The following SLFN13 variants were observed in gnomAD, a reference collection of about 807,000 sequenced individuals.
SLFN13 encodes schlafen-13.
In SLFN13, 43 loss-of-function variants were observed where a neutral mutation model predicts 50.6. That is an observed-to-expected ratio of 0.85 (90% CI 0.67 to 1.09). The LOEUF (loss-of-function observed/expected upper bound fraction) is 1.09, where lower values mean the gene tolerates loss of function less well. Among genes scored for constraint, SLFN13 ranks in the 50% least tolerant of loss-of-function variants. SLFN13 has a pLI of 0.00. For missense variants in SLFN13, 881 were observed against 1,071.1 expected (o/e 0.82, Z 2.48); for synonymous variants, 339 against 386.5 (o/e 0.88, Z 1.44).
chr17:35,449,076 A>AACAACAACAACAAC (rs58902173), upstream of SLFN13, among the ~76,000 whole-genome samples: 47 of 115,680 alleles, frequency 4.1e-4, no homozygotes, highest in East Asian at 2.0e-3. Context: ...ACAACAACAA[A>AACAACAACAACAAC]ATTACTCAGG....
Position 35,440,579 on chromosome 17 carries a change from C to T in SLFN13, c.*16G>A, listed in dbSNP as rs756132500. ...TTACACAGTATTTTGGTTTGGAGTT[C>T]TTCCTAATAGTCACTTCACAGAAAA... On this transcript the variant is annotated 3_prime_UTR_variant, in exon 6 of 6. Coordinates refer to ENST00000285013, the MANE Select transcript of SLFN13 (RefSeq NM_144682.6). 4 of 1,612,470 alleles carry T rather than the reference C, an allele frequency of 2.5e-6. No individual in the cohort carries two copies. Among genetic ancestry groups the T allele is most frequent in the Middle Eastern group, 1.7e-4 (1 of 6,054 alleles).
In SLFN13 at chr17:35,443,819, T is replaced by C. The variant is rs1400823311; in HGVS notation, c.1168A>G (p.Lys390Glu). 2 of 1,612,762 alleles carry C rather than the reference T, an allele frequency of 1.2e-6. No homozygotes were observed. The highest frequency in any genetic ancestry group is 1.7e-6 in the Non-Finnish European group (2 of 1,178,924). The change falls in exon 4 of 6, where the codon AAA (lysine) becomes GAA (glutamate). Residue 390 changes from lysine to glutamate, a missense_variant. By Grantham distance (56) the Lys-to-Glu change is moderately conservative (BLOSUM62 1). This residue lies in a region of SLFN13 where 497 missense variants were observed against 518.3 expected (regional missense o/e 0.96). Transcript: ENST00000285013. Reference protein sequence around the residue: ...PVYSKKGLEHKADLQQHLFPV... With the variant: ...PVYSKKGLEHEADLQQHLFPV... ...AATAAATGTTGTTGTAGATCAGCTT[T>C]GTGTTCCAGACCTTTCTTAGAATAC...
chr17:35,445,310 T>C lies in SLFN13; in HGVS notation c.371A>G (p.Asn124Ser), dbSNP rs115352354. 3.5e-3 allele frequency: 5,615 copies of C among 1,613,816 alleles called. 149 individuals carry two copies. In the African/African-American group the frequency reaches 0.06, roughly 17 times the overall value. ...GDPFLKDGSF[N>S]SRICSLSSSL... ...AGAACTAAGGCTGCAAATGCGGGAA[T>C]TGAAAGAACCATCTTTAAGGAAAGG... The change falls in exon 3 of 6, where the codon AAT becomes AGT. Residue 124 changes from asparagine (N) to serine (S), a missense_variant. Physicochemically the swap from Asn to Ser is conservative, Grantham distance 46. Around this residue, in one of 5 missense-constraint regions of SLFN13, gnomAD observed 497 missense variants for 518.3 expected, o/e 0.96. Transcript: ENST00000285013.
intron 1 of SLFN13, 140 bp from the exon 2 acceptor site, chr17:35,447,554 G>C (rs1913276714): frequency 6.6e-6 from 1 of 152,184 alleles, no homozygotes; most frequent in Admixed American, 6.5e-5. Context: ...GATGGAAACA[G>C]TTTCGCCTCC....
rs571498810 is a variant in SLFN13, at chr17:35,441,232, G to C, written c.2057C>G (p.Thr686Ser). 20 of 1,614,050 alleles carry C rather than the reference G, an allele frequency of 1.2e-5. 1 individual carries two copies. The South Asian group carries it at 1.9e-4, about 15-fold the overall frequency. ...ACAATCCTTTTCTCTCTGAGTGATG[G>C]TTTTTGCCTTCCTATACCAGTCCCC... is the stretch of plus-strand genomic sequence containing the variant. ...EDGDWYRKAK[T>S]ITQREKDCPG... The change falls in exon 6 of 6, where the codon ACC becomes AGC. Residue 686 changes from threonine (T) to serine (S), a missense_variant. Thr to Ser is a moderately conservative substitution (Grantham distance 58). Transcript: ENST00000285013.
upstream of SLFN13, among the ~76,000 whole-genome samples, chr17:35,449,260 AT>A (rs1207854122): frequency 6.3e-5 from 9 of 143,558 alleles, no homozygotes; most frequent in African/African-American, 1.9e-4. Context: ...AAAAAAAAAA[AT>A]GTCTGGAAAC....
chr17:35,440,961 G>T lies in SLFN13; in HGVS notation c.2328C>A (p.Asn776Lys), dbSNP rs745693053. 20 of 1,613,048 alleles carry T rather than the reference G, an allele frequency of 1.2e-5. No individual in the cohort carries two copies. Among genetic ancestry groups the T allele is most frequent in the Admixed American group, 1.7e-5 (1 of 60,012 alleles). ...EAKWVPGVPGNTKIIKNFTLE... is the reference protein window; with the variant it reads ...EAKWVPGVPGKTKIIKNFTLE... ...AAGTAAAGTTTTTAATAATCTTTGTGTTGCCTGGAACACCTGGAACCCATT... is the reference window on the plus strand; with the variant it reads ...AAGTAAAGTTTTTAATAATCTTTGTTTTGCCTGGAACACCTGGAACCCATT... Residue 776 changes from asparagine (N) to lysine (K), a missense_variant, in exon 6 of 6, where the codon AAC becomes AAA. Coordinates refer to ENST00000285013, the MANE Select transcript of SLFN13 (RefSeq NM_144682.6).
upstream of SLFN13, among the ~76,000 whole-genome samples, chr17:35,449,422 C>T (rs573186715): frequency 1.6e-4 from 25 of 152,180 alleles, no homozygotes; most frequent in African/African-American, 6.0e-4. Context: ...AGCTCTCGCC[C>T]GAGCTTTCCC....
rs1912644011 is a variant in SLFN13, at chr17:35,436,295, C to A, written c.*4300G>T. ...TTTCTGCTTTGATCCACGAGTTAAA[C>A]ACTTTTTTAATTCCAAAAGATATGA... On this transcript the variant is annotated 3_prime_UTR_variant, in exon 6 of 6. Transcript: ENST00000285013. 1 of 152,172 alleles carries A rather than the reference C, an allele frequency of 6.6e-6. No homozygotes were observed. Among genetic ancestry groups the A allele is most frequent in the Non-Finnish European group, 1.5e-5 (1 of 68,036 alleles). The allele number at this position is 152,172 out of a possible 1,614,324, so 9.4% of individuals were successfully genotyped here.
At position 35,445,028 on chromosome 17, in the gene SLFN13, G is replaced by A; in HGVS notation, c.653C>T (p.Ser218Phe). The part of the protein sequence containing the change: ...ESPSIEFKQF[S>F]TKHIQQYVEN... ...TACATATTGTTGGATATGTTTTGTA[G>A]AGAACTGTTTAAACTCTATGGATGG... The change falls in exon 3 of 6, where the codon TCT becomes TTT. Residue 218 changes from serine to phenylalanine, a missense_variant. Physicochemically the swap from Ser to Phe is radical, Grantham distance 155. Transcript: ENST00000285013. The A allele has an allele frequency of 1.9e-6, 3 of 1,614,098 alleles. No homozygotes were observed. Among genetic ancestry groups the A allele is most frequent in the Non-Finnish European group, 2.5e-6 (3 of 1,180,036 alleles).
chr17:35,449,231 G>T (rs1192596852), upstream of SLFN13, among the ~76,000 whole-genome samples: 1 of 135,828 alleles, frequency 7.4e-6, no homozygotes, highest in Non-Finnish European at 1.6e-5. Flanking sequence ...CAGAGTGAGA[G>T]CCTGTTCCCC....
rs999691314 is a variant in SLFN13, at chr17:35,436,018, G to C, written c.*4577C>G. The C allele has an allele frequency of 1.3e-5, 2 of 152,040 alleles. No individual in the cohort carries two copies. The highest frequency in any genetic ancestry group is 1.3e-4 in the Admixed American group (2 of 15,274). 9.4% of individuals were successfully genotyped at this position (152,040 alleles called of 1,614,324 possible). On this transcript the variant is annotated 3_prime_UTR_variant, in exon 6 of 6. Coordinates refer to ENST00000285013, the MANE Select transcript of SLFN13 (RefSeq NM_144682.6). ...GTATTATCACTTTTACAAATTGTTGGATTTTGTTTGCTAAAATTTTGTTTA... is the reference window on the plus strand; with the variant it reads ...GTATTATCACTTTTACAAATTGTTGCATTTTGTTTGCTAAAATTTTGTTTA...
rs374290416 is a variant in SLFN13 at position 35,441,545 on chromosome 17, T to A, written c.1922+18A>T. 8.1e-6 allele frequency: 13 copies of A among 1,611,374 alleles called. 1 individual carries two copies. In the African/African-American group the frequency reaches 1.8e-4, roughly 22 times the overall value. On this transcript the variant is annotated intron_variant, in intron 5 of 5. Transcript: ENST00000285013. Reference sequence around the variant, plus strand: ...CCAGATTAAATAAAACTTAAAGACGTAAGATCCAACTGCTTACCTGATAAA... The same window carrying A: ...CCAGATTAAATAAAACTTAAAGACGAAAGATCCAACTGCTTACCTGATAAA...
In SLFN13 at chr17:35,445,037, TTAAACTC is replaced by T; in HGVS notation, c.637_643del (p.Glu213AsnfsTer12). The T allele has an allele frequency of 6.2e-7, 1 of 1,614,110 alleles. No individual in the cohort carries two copies. The highest frequency in any genetic ancestry group is 1.3e-5 in the African/African-American group (1 of 75,050). Reference sequence around the variant, plus strand: ...TTGGATATGTTTTGTAGAGAACTGTTTAAACTCTATGGATGGAGACTCAGGAAAAGAT... The same window carrying T: ...TTGGATATGTTTTGTAGAGAACTGTTTATGGATGGAGACTCAGGAAAAGAT... On this transcript the variant is annotated frameshift_variant, in exon 3 of 6. Coordinates refer to ENST00000285013, the MANE Select transcript of SLFN13 (RefSeq NM_144682.6). LOFTEE classifies it high-confidence loss of function.
chr17:35,443,319 T>C (rs907786757), intron 4 of SLFN13, among the ~76,000 whole-genome samples: 2 of 152,218 alleles, frequency 1.3e-5, no homozygotes, highest in East Asian at 3.8e-4. Context: ...TTGTGGTTTT[T>C]CTATATTCTT....
At chr17:35,441,463 G>C (rs1052178055) in intron 5 of SLFN13, 97 bp from the exon 6 acceptor site, 13 of 1,589,594 alleles carry the variant, frequency 8.2e-6, no homozygotes, top group Non-Finnish European at 1.0e-5. Context: ...TATTGCCACA[G>C]ATCATTTTAC....
chr17:35,449,314 T>C (rs554300533), upstream of SLFN13, among the ~76,000 whole-genome samples: 2 of 151,896 alleles, frequency 1.3e-5, no homozygotes, highest in South Asian at 4.2e-4. Context: ...TAGTTCTTTC[T>C]TACTCCCCCT....
chr17:35,438,350 A>C lies in SLFN13; in HGVS notation c.*2245T>G, dbSNP rs991872268. On this transcript the variant is annotated 3_prime_UTR_variant, in exon 6 of 6. Coordinates refer to ENST00000285013, the MANE Select transcript of SLFN13 (RefSeq NM_144682.6). ...TCATATGGAAAAAGAAGAAAGCATC[A>C]GTAATCCTCTTTGGGCTGAACAAAA... 3 of 151,996 alleles carry C rather than the reference A, an allele frequency of 2.0e-5. No individual in the cohort carries two copies. Among genetic ancestry groups the C allele is most frequent in the African/African-American group, 7.2e-5 (3 of 41,450 alleles). The allele number at this position is 151,996 out of a possible 1,614,324, so 9.4% of individuals were successfully genotyped here.
At chr17:35,449,597 G>GC (rs973246209), upstream of SLFN13, among the ~76,000 whole-genome samples, 6 of 152,220 alleles carry the variant, frequency 3.9e-5, no homozygotes, top group African/African-American at 1.4e-4. Context: ...CGCAGACCCC[G>GC]CGCCAGAGTG....
Sources: gnomAD v4.1 joint callset for allele counts (sites outside exome capture counted in the v4.1 genomes callset) on GRCh38, gnomAD v4.1.1 for gene constraint, gnomAD v4.1.1 regional missense constraint, MANE v1.5 for transcripts, NCBI Gene and HGNC (gene_info 2026-07-23, HGNC 2026-07-21) for gene names.